NPAS1: variants seen among roughly 807,000 people sequenced by gnomAD.
NPAS1 encodes neuronal PAS domain protein 1.
In NPAS1, 29 loss-of-function variants were observed where a neutral mutation model predicts 49.2. The observed-to-expected ratio is 0.59, with a 90% CI of 0.44 to 0.80. NPAS1 has a LOEUF of 0.80. NPAS1 is among the 30% of genes least tolerant of loss of function. The pLI, the probability that NPAS1 is intolerant of heterozygous loss-of-function variation, is 0.00. For synonymous variants in NPAS1, 408 were observed against 380.4 expected, an observed-to-expected ratio of 1.07 and a Z score of -0.84; for missense variants, 825 against 835.5, an observed-to-expected ratio of 0.99 and a Z score of 0.15.
chr19:47,045,725 G>C lies in NPAS1; in HGVS notation c.*74G>C, dbSNP rs899238316. On this transcript the variant is annotated 3_prime_UTR_variant, in exon 12 of 12. Coordinates refer to ENST00000602212, the MANE Select transcript of NPAS1 (RefSeq NM_002517.4). ...CAGGACAGTAGGCCCGGCTCTGCCC[G>C]TAGCCCTGAGAATTAAACGCCGGCT... is the stretch of plus-strand genomic sequence containing the variant. The C allele has an allele frequency of 1.6e-6, 2 of 1,252,442 alleles. No individual in the cohort carries two copies. The allele number at this position is 1,252,442 out of a possible 1,614,324, so 77.6% of individuals were successfully genotyped here. A position where few individuals can be genotyped will look rare whatever the true frequency, so the allele number is the denominator to read the frequency against.
chr19:47,040,841 CT>C, intron 9 of NPAS1, 136 bp from the exon 10 acceptor site: 8 of 750,460 alleles, frequency 1.1e-5, no homozygotes, highest in Admixed American at 3.1e-5. Context: ...GTGCTTTCAC[CT>C]TTTTCTCTTC....
chr19:47,032,639 C>A lies in NPAS1; in HGVS notation c.433-4C>A. On this transcript the variant is annotated splice_polypyrimidine_tract_variant and splice_region_variant and intron_variant, in intron 4 of 11. Transcript: ENST00000602212. ...TTCCCCCTCCCTGTCTCTCCCGGCT[C>A]TAGTCCCTGGATGGCTTTGTGTTCG... is the stretch of plus-strand genomic sequence containing the variant. The A allele has an allele frequency of 3.7e-6, 6 of 1,613,776 alleles. No homozygotes were observed. The highest frequency in any genetic ancestry group is 5.1e-6 in the Non-Finnish European group (6 of 1,179,622).
intron 8 of NPAS1, 108 bp from the exon 9 acceptor site, chr19:47,040,336 A>G (rs2057004547): frequency 7.2e-6 from 5 of 690,844 alleles, no homozygotes; most frequent in African/African-American, 1.8e-5. Flanking sequence ...CTGTTATTGC[A>G]CCCATTTTAC....
chr19:47,045,086 C>A (rs1479867678), intron 11 of NPAS1, 105 bp from the exon 12 acceptor site: 1 of 1,084,582 alleles, frequency 9.2e-7, no homozygotes, highest in Non-Finnish European at 1.3e-6. Context: ...ACCCCACTCC[C>A]AGCTGAGAAC....
intron 3 of NPAS1, among the ~76,000 whole-genome samples, chr19:47,026,319 A>C (rs748485921): frequency 2.0e-5 from 3 of 152,220 alleles, no homozygotes; most frequent in Admixed American, 6.5e-5. Context: ...GACTCAGCAG[A>C]GGGAACAGCA....
At chr19:47,039,354 T>C in intron 7 of NPAS1, 53 bp from the exon 8 acceptor site, 1 of 1,602,054 alleles carries the variant, frequency 6.2e-7, no homozygotes, top group Non-Finnish European at 8.5e-7. Flanking sequence ...GATGGTCCTC[T>C]TGCCCCCACT....
At chr19:47,034,289 G>A (rs1287785893) in intron 5 of NPAS1, among the ~76,000 whole-genome samples, 2 of 147,558 alleles carry the variant, frequency 1.4e-5, no homozygotes, top group African/African-American at 5.0e-5. Context: ...ACTCCAGCCT[G>A]GGCAACAAGA....
chr19:47,037,526 C>T (rs892377855), intron 6 of NPAS1, among the ~76,000 whole-genome samples: 5 of 151,912 alleles, frequency 3.3e-5, no homozygotes, highest in African/African-American at 9.7e-5. Flanking sequence ...CTGTCTGTTC[C>T]GGGGTCAGCA....
At chr19:47,034,273 C>T (rs1167018181) in intron 5 of NPAS1, among the ~76,000 whole-genome samples, 1 of 136,226 alleles carries the variant, frequency 7.3e-6, no homozygotes, top group South Asian at 2.3e-4. Flanking sequence ...GAGATCGTGG[C>T]ATTGCACTCC....
At chr19:47,042,769 C>CAAGG in intron 10 of NPAS1, 41 bp from the exon 11 acceptor site, 1 of 1,534,890 alleles carries the variant, frequency 6.5e-7, no homozygotes, top group Non-Finnish European at 8.9e-7. Context: ...CCTGAGAGGC[C>CAAGG]AAGGACCCCT....
intron 5 of NPAS1, among the ~76,000 whole-genome samples, chr19:47,035,627 A>G (rs2056946009): frequency 6.6e-6 from 1 of 152,172 alleles, no homozygotes; most frequent in Non-Finnish European, 1.5e-5. Flanking sequence ...GCCAGGGCAC[A>G]GTTGTTTGCT....
intron 5 of NPAS1, among the ~76,000 whole-genome samples, chr19:47,034,907 C>T (rs1188218209): frequency 1.4e-5 from 2 of 145,132 alleles, no homozygotes; most frequent in African/African-American, 2.6e-5. Flanking sequence ...AAAGTCCAGG[C>T]GCGGTGGCTC....
intron 3 of NPAS1, among the ~76,000 whole-genome samples, chr19:47,028,492 A>G (rs2056887819): frequency 2.0e-5 from 3 of 152,086 alleles, no homozygotes; most frequent in African/African-American, 7.2e-5. Context: ...TAATAACAAT[A>G]GTAATCACAC....
At chr19:47,042,006 A>T (rs2057027238) in intron 10 of NPAS1, among the ~76,000 whole-genome samples, 1 of 107,104 alleles carries the variant, frequency 9.3e-6, no homozygotes, top group Non-Finnish European at 1.9e-5. Flanking sequence ...AAAAAAAAAA[A>T]AGGAAAAAAC....
chr19:47,026,204 G>T (rs2056870023), intron 3 of NPAS1, among the ~76,000 whole-genome samples: 1 of 152,186 alleles, frequency 6.6e-6, no homozygotes, highest in African/African-American at 2.4e-5. Context: ...CTCCCAAAGT[G>T]CTGGGGTTAC....
chr19:47,023,790 T>C (rs1349651141), intron 3 of NPAS1, among the ~76,000 whole-genome samples: 1 of 151,676 alleles, frequency 6.6e-6, no homozygotes, highest in Non-Finnish European at 1.5e-5. Context: ...CTGGGCAATA[T>C]AACAAAACCA....
chr19:47,020,839 C>A, intron 1 of NPAS1, 167 bp from the exon 2 acceptor site: 1 of 393,218 alleles, frequency 2.5e-6, no homozygotes, highest in East Asian at 3.6e-5. Context: ...CAGCCCCGGG[C>A]CGGCTAGGGT....
At chr19:47,041,194 G>A in intron 10 of NPAS1, 69 bp downstream of exon 10, 2 of 1,406,376 alleles carry the variant, frequency 1.4e-6, no homozygotes, top group Non-Finnish European at 1.9e-6. Context: ...CTCCAGTGGG[G>A]GTGCTTTGGG....
At chr19:47,031,535 CTTT>C (rs11346393) in intron 3 of NPAS1, among the ~76,000 whole-genome samples, 4 of 141,874 alleles carry the variant, frequency 2.8e-5, no homozygotes, top group African/African-American at 2.6e-5. Context: ...TTCTTTCTTT[CTTT>C]TTTTTTTTTT....
Sources: gnomAD v4.1 joint callset for allele counts (sites outside exome capture counted in the v4.1 genomes callset) on GRCh38, gnomAD v4.1.1 for gene constraint, MANE v1.5 for transcripts, NCBI Gene and HGNC (gene_info 2026-07-23, HGNC 2026-07-21) for gene names.